PREX1: variants seen among roughly 807,000 people sequenced by gnomAD.
The protein encoded by PREX1 is phosphatidylinositol 3,4,5-trisphosphate-dependent Rac exchanger 1 protein.
PREX1 carries 41 observed loss-of-function variants against 198.3 expected under a neutral mutation model. The observed-to-expected ratio is 0.21, with a 90% CI of 0.16 to 0.27. PREX1 has a LOEUF of 0.27. Ranked by LOEUF, PREX1 falls within the 10% of genes least tolerant of loss-of-function variation. The pLI is 1.00. For synonymous variants in PREX1, 843 were observed against 887.2 expected, an observed-to-expected ratio of 0.95 and a Z score of 0.89; for missense variants, 1,620 against 2,200.7, an observed-to-expected ratio of 0.74 and a Z score of 5.28.
intron 14 of PREX1, among the ~76,000 whole-genome samples, chr20:48,670,203 C>A (rs1306940966): frequency 1.3e-5 from 2 of 152,118 alleles, no homozygotes. Context: ...CCTAGGGTTG[C>A]AGCCAAGTTT....
the PREX1 span, among the ~76,000 whole-genome samples, chr20:48,862,790 A>AAAAAATAT: frequency 4.0e-3 from 413 of 102,522 alleles, 2 homozygotes; most frequent in South Asian, 0.011. Flanking sequence ...TAAAAAAAAA[A>AAAAAATAT]ATATATATAT....
At chr20:48,731,652 T>C (rs935870553) in intron 4 of PREX1, among the ~76,000 whole-genome samples, 1 of 152,254 alleles carries the variant, frequency 6.6e-6, no homozygotes, top group Non-Finnish European at 1.5e-5. Flanking sequence ...AGATTCTGTC[T>C]GTTCCCAAAG....
At chr20:48,790,996 C>T (rs952083016) in intron 1 of PREX1, among the ~76,000 whole-genome samples, 1 of 152,160 alleles carries the variant, frequency 6.6e-6, no homozygotes, top group Non-Finnish European at 1.5e-5. Flanking sequence ...TATCACCACC[C>T]GGGAACCCCA....
chr20:48,740,856 T>A (rs1259529486), intron 3 of PREX1, among the ~76,000 whole-genome samples: 1 of 152,256 alleles, frequency 6.6e-6, no homozygotes, highest in Non-Finnish European at 1.5e-5. Context: ...GCTCAAGTAG[T>A]TAAGAGTTTC....
In PREX1 at chr20:48,692,754, T is replaced by C. The variant is rs780873112; in HGVS notation, c.954A>G (p.Lys318=). 10 of 1,613,880 alleles carry C rather than the reference T, an allele frequency of 6.2e-6. No homozygotes were observed. The Admixed American group carries it at 6.7e-5, about 11-fold the overall frequency. Residue 318 remains lysine, a synonymous_variant, in exon 8 of 40, where the codon AAA becomes AAG. Transcript: ENST00000371941. ...AGATGTAGAGGGAGCCGTTGATGGA[T>C]TTGGTCCTCTTGGTGGACTTCTTGC... The part of the protein sequence containing the change: ...TGSKKSTKRT[K]SINGSLYIFR...
intron 7 of PREX1, among the ~76,000 whole-genome samples, chr20:48,694,448 A>G (rs527828296): frequency 1.3e-5 from 2 of 152,322 alleles, no homozygotes; most frequent in South Asian, 2.1e-4. Context: ...ATCTCTGGGA[A>G]CTCAACTTCT....
At chr20:48,878,422 C>T in the PREX1 span, among the ~76,000 whole-genome samples, 1 of 151,940 alleles carries the variant, frequency 6.6e-6, no homozygotes, top group African/African-American at 2.4e-5. Flanking sequence ...TCACTGAAAC[C>T]TCCACCTCCC....
intron 5 of PREX1, among the ~76,000 whole-genome samples, chr20:48,721,821 T>C (rs1037261661): frequency 6.6e-6 from 1 of 152,098 alleles, no homozygotes; most frequent in African/African-American, 2.4e-5. Context: ...ACAGCTGGAC[T>C]CTGGACAGAG....
chr20:48,747,299 CAT>C (rs1485562584), intron 2 of PREX1, among the ~76,000 whole-genome samples: 1 of 152,222 alleles, frequency 6.6e-6, no homozygotes, highest in East Asian at 1.9e-4. Flanking sequence ...GGGGCTGAGC[CAT>C]GCACACAGAA....
intron 7 of PREX1, among the ~76,000 whole-genome samples, chr20:48,698,589 G>C (rs1262054957): frequency 6.6e-6 from 1 of 152,160 alleles, no homozygotes; most frequent in Non-Finnish European, 1.5e-5. Context: ...ACCTCAAGGA[G>C]TGGGCGAGAA....
At chr20:48,862,807 A>ATATATGTATATATATGTGTGTG in the PREX1 span, among the ~76,000 whole-genome samples, 1 of 126,712 alleles carries the variant, frequency 7.9e-6, no homozygotes, top group Non-Finnish European at 1.6e-5. Flanking sequence ...ATATATATAT[A>ATATATGTATATATATGTGTGTG]TATATACTAA....
At chr20:48,638,895 T>G (rs1714867768) in intron 30 of PREX1, among the ~76,000 whole-genome samples, 1 of 152,154 alleles carries the variant, frequency 6.6e-6, no homozygotes, top group African/African-American at 2.4e-5. Context: ...ATTCAAGCCC[T>G]GGTGGTCTGG....
chr20:48,738,686 G>T (rs561354599), intron 3 of PREX1, among the ~76,000 whole-genome samples: 1 of 152,298 alleles, frequency 6.6e-6, no homozygotes, highest in South Asian at 2.1e-4. Context: ...GGTTTGGGGG[G>T]AGAAGGGGAC....
chr20:48,751,324 A>AG (rs2090133111), intron 1 of PREX1, among the ~76,000 whole-genome samples: 2 of 152,224 alleles, frequency 1.3e-5, no homozygotes. Context: ...CACCCAGCAC[A>AG]GCCAGGGAGG....
chr20:48,784,612 GC>G (rs1568863045), intron 1 of PREX1, among the ~76,000 whole-genome samples: 1 of 152,174 alleles, frequency 6.6e-6, no homozygotes, highest in African/African-American at 2.4e-5. Flanking sequence ...GGACCGAAAG[GC>G]CTCCCCCTCT....
At chr20:48,818,260 T>C (rs1170394784) in intron 1 of PREX1, among the ~76,000 whole-genome samples, 2 of 152,168 alleles carry the variant, frequency 1.3e-5, no homozygotes, top group Non-Finnish European at 2.9e-5. Context: ...GATGACTGCA[T>C]AACTTGGTGA....
chr20:48,820,301 C>G (rs1032196724), intron 1 of PREX1, among the ~76,000 whole-genome samples: 4 of 152,188 alleles, frequency 2.6e-5, no homozygotes, highest in Non-Finnish European at 2.9e-5. Flanking sequence ...TCACTGTACT[C>G]CCCAGAGTAA....
chr20:48,781,183 G>T (rs998704887), intron 1 of PREX1, among the ~76,000 whole-genome samples: 5 of 152,086 alleles, frequency 3.3e-5, no homozygotes, highest in African/African-American at 9.7e-5. Context: ...AAAATAAAAA[G>T]AACGTTTGTA....
At chr20:48,786,156 C>T (rs994473580) in intron 1 of PREX1, among the ~76,000 whole-genome samples, 7 of 151,926 alleles carry the variant, frequency 4.6e-5, no homozygotes, top group African/African-American at 1.7e-4. Context: ...GAGGTCAAAC[C>T]TGGAATCTAG....
Sources: allele counts gnomAD v4.1 joint callset (sites outside exome capture counted in the v4.1 genomes callset), GRCh38; gene constraint gnomAD v4.1.1; transcripts MANE v1.5; gene names NCBI Gene and HGNC (gene_info 2026-07-23, HGNC 2026-07-21).